IL1RAPL2: variants seen among roughly 807,000 people sequenced by gnomAD.
IL1RAPL2 encodes the protein interleukin 1 receptor accessory protein like 2, also known as X-linked interleukin-1 receptor accessory protein-like 2.
Under a neutral mutation model 44.1 loss-of-function variants are expected in IL1RAPL2, and 3 were observed. The observed-to-expected ratio is 0.07, with a 90% CI of 0.03 to 0.18. The LOEUF (loss-of-function observed/expected upper bound fraction) is 0.18, where lower values mean the gene tolerates loss of function less well. Among genes scored for constraint, IL1RAPL2 ranks in the 10% least tolerant of loss-of-function variants. The pLI is 1.00. For synonymous variants in IL1RAPL2, 181 were observed against 178.8 expected, an observed-to-expected ratio of 1.01 and a Z score of -0.10; for missense variants, 391 against 496.4, an observed-to-expected ratio of 0.79 and a Z score of 2.02.
chrX:105,301,902 T>C (rs1443178483), intron 5 of IL1RAPL2, among the ~76,000 whole-genome samples: 1 of 112,188 alleles, frequency 8.9e-6, no homozygotes, highest in East Asian at 2.8e-4. Flanking sequence ...CTGGATCATA[T>C]GGTAGCTCTA....
chrX:105,169,090 C>T (rs751956656), intron 2 of IL1RAPL2, among the ~76,000 whole-genome samples: 10 of 112,152 alleles, frequency 8.9e-5, no homozygotes, highest in Non-Finnish European at 1.9e-4. Context: ...ATATTATACC[C>T]AGGTATCTTC....
intron 2 of IL1RAPL2, among the ~76,000 whole-genome samples, chrX:105,137,789 G>A (rs980825935): frequency 1.8e-5 from 2 of 112,189 alleles, no homozygotes; most frequent in African/African-American, 6.5e-5. Context: ...ATCTAGGCCA[G>A]GTGTGGTGGT....
intron 2 of IL1RAPL2, among the ~76,000 whole-genome samples, chrX:104,954,934 C>T (rs1159885131): frequency 8.9e-6 from 1 of 112,957 alleles, no homozygotes; most frequent in Non-Finnish European, 1.9e-5. Flanking sequence ...TCCTGCAGAG[C>T]GGGGCTACCC....
At chrX:105,342,871 CTA>C (rs760455294) in intron 5 of IL1RAPL2, among the ~76,000 whole-genome samples, 2 of 111,547 alleles carry the variant, frequency 1.8e-5, no homozygotes, top group Admixed American at 9.6e-5. Flanking sequence ...TGGTCTGATA[CTA>C]TATGACTTTG....
chrX:104,911,148 T>C (rs748432315), intron 2 of IL1RAPL2, among the ~76,000 whole-genome samples: 55 of 111,730 alleles, frequency 4.9e-4, no homozygotes, highest in African/African-American at 1.7e-3. Flanking sequence ...TAATAAAAAT[T>C]ATCAACCTCC....
At chrX:105,758,784 T>G (rs960046191) in intron 10 of IL1RAPL2, among the ~76,000 whole-genome samples, 2 of 112,107 alleles carry the variant, frequency 1.8e-5, no homozygotes, top group African/African-American at 6.5e-5. Context: ...TCCCTGAGAA[T>G]AGCGAAAGCA....
intron 1 of IL1RAPL2, among the ~76,000 whole-genome samples, chrX:104,571,148 C>T (rs1928141566): frequency 9.0e-6 from 1 of 111,352 alleles, no homozygotes; most frequent in African/African-American, 3.3e-5. Context: ...GTTAGGTCTT[C>T]TAGATTCTTG....
At chrX:105,280,032 T>C (rs755373272) in intron 5 of IL1RAPL2, among the ~76,000 whole-genome samples, 1 of 111,886 alleles carries the variant, frequency 8.9e-6, no homozygotes, top group Non-Finnish European at 1.9e-5. Flanking sequence ...CAAACTCTAC[T>C]ACAAGGCTAC....
At chrX:104,816,226 A>G (rs899246546) in intron 2 of IL1RAPL2, among the ~76,000 whole-genome samples, 32 of 112,115 alleles carry the variant, frequency 2.9e-4, no homozygotes, top group African/African-American at 8.4e-4. Context: ...TGTGGGCTAC[A>G]GTGTAATTCT....
chrX:104,963,507 A>G (rs1005383872), intron 2 of IL1RAPL2, among the ~76,000 whole-genome samples: 3 of 111,942 alleles, frequency 2.7e-5, no homozygotes, highest in Non-Finnish European at 5.6e-5. Flanking sequence ...AATAGGGTCA[A>G]TATCCTCACC....
At chrX:104,944,667 G>C (rs1378131009) in intron 2 of IL1RAPL2, among the ~76,000 whole-genome samples, 1 of 111,538 alleles carries the variant, frequency 9.0e-6, no homozygotes, top group African/African-American at 3.3e-5. Flanking sequence ...GGGAAACGCT[G>C]GTTTAGGATT....
At chrX:105,679,939 C>A (rs1163888746) in intron 6 of IL1RAPL2, among the ~76,000 whole-genome samples, 4 of 111,477 alleles carry the variant, frequency 3.6e-5, no homozygotes, top group Non-Finnish European at 7.5e-5. Flanking sequence ...TATGTGTGGA[C>A]CTGAGGCTAG....
At chrX:105,108,382 G>A (rs1183685419) in intron 2 of IL1RAPL2, among the ~76,000 whole-genome samples, 3 of 111,376 alleles carry the variant, frequency 2.7e-5, no homozygotes, top group Non-Finnish European at 5.6e-5. Context: ...CCAGGCTGGA[G>A]TACAGTGGCA....
At chrX:105,256,592 G>A (rs1460791262) in intron 4 of IL1RAPL2, among the ~76,000 whole-genome samples, 1 of 111,109 alleles carries the variant, frequency 9.0e-6, no homozygotes, top group South Asian at 3.8e-4. Context: ...GCCTCCCAAA[G>A]TGCTAGGATT....
In IL1RAPL2 at chrX:105,755,412, C is replaced by T; in HGVS notation, c.1363+65C>T. 5 of 848,213 alleles carry T rather than the reference C, an allele frequency of 5.9e-6. No homozygotes were observed. The South Asian group carries it at 1.5e-4, about 25-fold the overall frequency. 69.9% of individuals were successfully genotyped at this position (848,213 alleles called of 1,213,427 possible). ...CTTTTAGGATGTTATGTGAAGGCTTCAAACATCAGAGCCAAGTATTTAGAC... is the reference window on the plus strand; with the variant it reads ...CTTTTAGGATGTTATGTGAAGGCTTTAAACATCAGAGCCAAGTATTTAGAC... On this transcript the variant is annotated intron_variant, in intron 10 of 10. Coordinates refer to ENST00000372582, the MANE Select transcript of IL1RAPL2 (RefSeq NM_017416.2).
chrX:104,916,962 T>C (rs1924462998), intron 2 of IL1RAPL2, among the ~76,000 whole-genome samples: 1 of 111,694 alleles, frequency 9.0e-6, no homozygotes, highest in African/African-American at 3.3e-5. Context: ...GCTGCTGGAT[T>C]CGGTTTGCCA....
chrX:105,447,126 AAT>A (rs1369687324), intron 5 of IL1RAPL2, among the ~76,000 whole-genome samples: 1 of 48,704 alleles, frequency 2.1e-5, no homozygotes, highest in African/African-American at 7.5e-5. Context: ...TATAAATATA[AAT>A]ATATATATGA....
chrX:105,382,924 A>G (rs2035446573), intron 5 of IL1RAPL2, among the ~76,000 whole-genome samples: 1 of 91,362 alleles, frequency 1.1e-5, no homozygotes, highest in Non-Finnish European at 2.1e-5. Flanking sequence ...AACAATGAGA[A>G]CACATGGGCA....
rs1172076311 is a variant in IL1RAPL2, at chrX:105,014,221, G to A, written c.83-181254G>A. Among the ~76,000 whole-genome samples, 7 of 111,391 alleles carry A rather than the reference G, an allele frequency of 6.3e-5. No individual in the cohort carries two copies. The Admixed American group carries it at 6.7e-4, about 11-fold the overall frequency. On this transcript the variant is annotated intron_variant, in intron 2 of 10. Transcript: ENST00000372582. ...TACATAATATTTGCACATATTTATG[G>A]AGTACATGTGATGTTTTGTGGCATG...
Sources: gnomAD v4.1 joint callset for allele counts (sites outside exome capture counted in the v4.1 genomes callset) on GRCh38, gnomAD v4.1.1 for gene constraint, MANE v1.5 for transcripts, NCBI Gene and HGNC (gene_info 2026-07-23, HGNC 2026-07-21) for gene names.